Variants in CTNNA3 observed in about 807,000 individuals in gnomAD.
The protein encoded by CTNNA3 is catenin alpha 3.
Under a neutral mutation model 95.7 loss-of-function variants are expected in CTNNA3, and 76 were observed. The ratio of observed to expected loss-of-function variants is 0.79; its 90% CI spans 0.66 to 0.96. The LOEUF (loss-of-function observed/expected upper bound fraction) is 0.96, where lower values mean the gene tolerates loss of function less well. Ranked by LOEUF, CTNNA3 falls within the 40% of genes least tolerant of loss-of-function variation. The pLI, the probability that CTNNA3 is intolerant of heterozygous loss-of-function variation, is 0.00. For synonymous variants in CTNNA3, 431 were observed against 374.4 expected (o/e 1.15, Z -1.74); for missense variants, 1,191 against 1,089.8 (o/e 1.09, Z -1.31).
chr10:66,039,070 C>G (rs201615766), intron 15 of CTNNA3, among the ~76,000 whole-genome samples: 3 of 152,044 alleles, frequency 2.0e-5, no homozygotes, highest in African/African-American at 7.2e-5. Context: ...AATCAATGTA[C>G]AAAAATCACT....
intron 15 of CTNNA3, among the ~76,000 whole-genome samples, chr10:66,005,126 T>C (rs2078854021): frequency 6.6e-6 from 1 of 152,168 alleles, no homozygotes; most frequent in Admixed American, 6.5e-5. Flanking sequence ...GGTATGCTTC[T>C]GTTATCACAC....
At chr10:67,095,044 T>C (rs561369619) in intron 7 of CTNNA3, among the ~76,000 whole-genome samples, 9 of 117,280 alleles carry the variant, frequency 7.7e-5, no homozygotes, top group African/African-American at 3.3e-4. Context: ...TATGTTTATA[T>C]ATTATATATG....
rs28832407 is a variant in CTNNA3 at position 66,447,332 on chromosome 10, G to A, written c.1532-67980C>T. The stretch of plus-strand genomic sequence containing the variant: ...AGAATTGGAAAAAACTACTTTAAAG[G>A]TCATATGGAACCAAAAAAGAGCCCG... On this transcript the variant is annotated intron_variant, in intron 11 of 17. Coordinates refer to ENST00000433211, the MANE Select transcript of CTNNA3 (RefSeq NM_013266.4). Among the ~76,000 whole-genome samples the A allele has an allele frequency of 2.0e-5, 3 of 148,156 alleles. 1 individual carries two copies. The East Asian group carries it at 6.0e-4, about 30-fold the overall frequency.
chr10:67,759,970 C>A (rs1046916962), intron 1 of CTNNA3, among the ~76,000 whole-genome samples: 2 of 152,192 alleles, frequency 1.3e-5, no homozygotes, highest in Non-Finnish European at 2.9e-5. Flanking sequence ...CAACACATAA[C>A]CACATTCCTC....
chr10:66,422,373 CTA>C (rs2093203041), intron 11 of CTNNA3, among the ~76,000 whole-genome samples: 1 of 152,050 alleles, frequency 6.6e-6, no homozygotes, highest in Non-Finnish European at 1.5e-5. Context: ...ATATTTTTTT[CTA>C]TGACCACTCC....
chr10:67,086,037 G>A (rs1462592678), intron 7 of CTNNA3, among the ~76,000 whole-genome samples: 1 of 151,806 alleles, frequency 6.6e-6, no homozygotes, highest in Admixed American at 6.6e-5. Context: ...TAAAATCAGG[G>A]AATTGGTTTC....
chr10:66,350,173 T>A (rs1305511472), intron 12 of CTNNA3, among the ~76,000 whole-genome samples: 1 of 152,080 alleles, frequency 6.6e-6, no homozygotes, highest in Admixed American at 6.6e-5. Context: ...ATATCCTCTT[T>A]CGTTAAATAC....
intron 12 of CTNNA3, among the ~76,000 whole-genome samples, chr10:66,318,646 T>G (rs2092137205): frequency 6.6e-6 from 1 of 152,062 alleles, no homozygotes; most frequent in Non-Finnish European, 1.5e-5. Context: ...CTCCAACAAC[T>G]AGATTAACCA....
rs539567457 is a variant in CTNNA3 at position 66,051,588 on chromosome 10, C to G, written c.2159+17720G>C. ...ACATTTAGTGATTTCCAAACAGTTA[C>G]ATTAAGCTATCTGAAGATAGTTTTG... On this transcript the variant is annotated intron_variant, in intron 15 of 17. Coordinates refer to ENST00000433211, the MANE Select transcript of CTNNA3 (RefSeq NM_013266.4). 3.9e-5 allele frequency among the ~76,000 whole-genome samples: 6 copies of G among 152,278 alleles called. No individual in the cohort carries two copies. The East Asian group carries it at 1.2e-3, about 29-fold the overall frequency.
intron 7 of CTNNA3, among the ~76,000 whole-genome samples, chr10:67,142,569 C>G (rs1003366466): frequency 2.0e-5 from 3 of 152,104 alleles, no homozygotes; most frequent in African/African-American, 7.2e-5. Flanking sequence ...ATTACATTTA[C>G]TCTATATTAC....
chr10:66,809,269 T>A (rs1481197564), intron 7 of CTNNA3, among the ~76,000 whole-genome samples: 1 of 152,228 alleles, frequency 6.6e-6, no homozygotes, highest in Non-Finnish European at 1.5e-5. Context: ...GACATCATTA[T>A]GATATTAAGT....
At chr10:67,352,057 T>C (rs1842655953) in intron 5 of CTNNA3, among the ~76,000 whole-genome samples, 1 of 151,948 alleles carries the variant, frequency 6.6e-6, no homozygotes, top group Non-Finnish European at 1.5e-5. Flanking sequence ...AACACAATAT[T>C]TGCCTTTAAA....
intron 11 of CTNNA3, among the ~76,000 whole-genome samples, chr10:66,381,025 C>T (rs879893606): frequency 7.9e-5 from 12 of 152,194 alleles, no homozygotes; most frequent in Middle Eastern, 3.4e-3. Flanking sequence ...ATATCCAGGA[C>T]CTGAACTCAG....
At chr10:67,492,507 T>C (rs1397744225) in intron 5 of CTNNA3, among the ~76,000 whole-genome samples, 1 of 152,200 alleles carries the variant, frequency 6.6e-6, no homozygotes, top group Non-Finnish European at 1.5e-5. Flanking sequence ...GAGTGCCACT[T>C]AATATCAAGA....
intron 9 of CTNNA3, among the ~76,000 whole-genome samples, chr10:66,652,825 A>G (rs1300624878): frequency 8.5e-5 from 13 of 152,166 alleles, no homozygotes; most frequent in Admixed American, 8.5e-4. Flanking sequence ...AGATGCAGGT[A>G]TGGTTGAATA....
At chr10:67,726,320 T>C (rs1222231278) in intron 1 of CTNNA3, among the ~76,000 whole-genome samples, 2 of 85,788 alleles carry the variant, frequency 2.3e-5, no homozygotes, top group Non-Finnish European at 4.0e-5. Context: ...ATATTATATA[T>C]ATTATCTTAC....
chr10:66,115,296 G>A (rs1564659886), intron 13 of CTNNA3, among the ~76,000 whole-genome samples: 2 of 152,162 alleles, frequency 1.3e-5, no homozygotes, highest in South Asian at 4.1e-4. Flanking sequence ...AGGGGGTGGT[G>A]ACAGCAGATA....
At chr10:67,204,464 C>G (rs1183062026) in intron 6 of CTNNA3, among the ~76,000 whole-genome samples, 4 of 152,144 alleles carry the variant, frequency 2.6e-5, no homozygotes, top group Admixed American at 6.6e-5. Context: ...TGAGGCTGCC[C>G]AGAAGCTCTC....
At chr10:67,699,799 G>A (rs752220348), upstream of CTNNA3, among the ~76,000 whole-genome samples, 84 of 152,286 alleles carry the variant, frequency 5.5e-4, no homozygotes, top group African/African-American at 8.2e-4. Flanking sequence ...TGCACCGTTC[G>A]CGAGCCGAAG....
Sources: allele counts gnomAD v4.1 joint callset (sites outside exome capture counted in the v4.1 genomes callset), GRCh38; gene constraint gnomAD v4.1.1; transcripts MANE v1.5; gene names NCBI Gene and HGNC (gene_info 2026-07-23, HGNC 2026-07-21).